The following C3orf20 variants were observed in gnomAD, a reference collection of about 807,000 sequenced individuals.
C3orf20 encodes uncharacterized protein C3orf20.
A neutral mutation model predicts 88.3 loss-of-function variants in C3orf20; 76 were observed. The observed-to-expected ratio is 0.86, with a 90% CI of 0.72 to 1.04. The LOEUF is 1.04. C3orf20 is among the 50% of genes least tolerant of loss of function. The probability of loss-of-function intolerance (pLI) is 0.00; values close to 1 mark genes in which losing one functional copy is unlikely to be tolerated. For missense variants in C3orf20, 1,056 were observed against 1,123.3 expected (o/e 0.94, Z 0.86); for synonymous variants, 436 against 437.4 (o/e 1.00, Z 0.04).
chr3:14,748,691 G>A (rs904801569), intron 12 of C3orf20, among the ~76,000 whole-genome samples: 1 of 152,042 alleles, frequency 6.6e-6, no homozygotes, highest in African/African-American at 2.4e-5. Flanking sequence ...TTTCCCTTGA[G>A]ATTCCTTCTT....
chr3:14,702,417 C>T (rs138073759), intron 5 of C3orf20, among the ~76,000 whole-genome samples: 6 of 151,180 alleles, frequency 4.0e-5, no homozygotes, highest in Non-Finnish European at 7.4e-5. Flanking sequence ...CCTGGCTCCT[C>T]CAAATCTCAT....
intron 8 of C3orf20, among the ~76,000 whole-genome samples, chr3:14,714,704 A>G (rs1031750951): frequency 1.3e-5 from 2 of 152,174 alleles, no homozygotes; most frequent in African/African-American, 4.8e-5. Context: ...CCTGGGCTCA[A>G]GTGATCCTTT....
intron 6 of C3orf20, among the ~76,000 whole-genome samples, chr3:14,703,671 G>T (rs1406886484): frequency 6.6e-6 from 1 of 152,186 alleles, no homozygotes; most frequent in Non-Finnish European, 1.5e-5. Context: ...ATGCCCCTTT[G>T]CATGGCTCCT....
At chr3:14,741,185 T>G (rs557946835) in intron 12 of C3orf20, among the ~76,000 whole-genome samples, 2 of 152,206 alleles carry the variant, frequency 1.3e-5, no homozygotes, top group Non-Finnish European at 2.9e-5. Flanking sequence ...TCAGCCTTTG[T>G]GAGGTCTTGT....
chr3:14,748,389 T>G (rs1305024889), intron 12 of C3orf20, among the ~76,000 whole-genome samples: 1 of 152,172 alleles, frequency 6.6e-6, no homozygotes, highest in East Asian at 1.9e-4. Flanking sequence ...TAGTCTGCTC[T>G]ATACAGAGAA....
rs766497657 is a variant in C3orf20, at chr3:14,757,651, G to A, written c.2221G>A (p.Gly741Ser). The A allele has an allele frequency of 6.8e-6, 11 of 1,610,394 alleles. No homozygotes were observed. Among genetic ancestry groups the A allele is most frequent in the Non-Finnish European group, 9.3e-6 (11 of 1,177,238 alleles). The stretch of plus-strand genomic sequence containing the variant: ...CACTCTCTACAACCACCAGCAGCGG[G>A]GCCGTGGCTCCCCCTGCATCCAGGT... ...LNTLYNHQQR[G>S]RGSPCIQCRY... Residue 741 changes from glycine to serine, a missense_variant, in exon 13 of 17, where the codon GGC becomes AGC. Coordinates refer to ENST00000253697, the MANE Select transcript of C3orf20 (RefSeq NM_032137.5).
chr3:14,679,781 A>T (rs139798379), intron 1 of C3orf20, among the ~76,000 whole-genome samples: 185 of 152,340 alleles, frequency 1.2e-3, no homozygotes, highest in African/African-American at 4.0e-3. Context: ...TTTGGAAGAG[A>T]TGTAAATATA....
chr3:14,685,210 AG>A (rs2032331136), intron 4 of C3orf20, among the ~76,000 whole-genome samples: 1 of 152,198 alleles, frequency 6.6e-6, no homozygotes, highest in Admixed American at 6.5e-5. Flanking sequence ...GATAGTATTA[AG>A]GAAAAAAAAG....
In C3orf20 at chr3:14,728,558, C is replaced by CT. The variant is rs2034438815; in HGVS notation, c.1814dup (p.Leu605PhefsTer19). 1 of 1,614,114 alleles carries CT rather than the reference C, an allele frequency of 6.2e-7. No individual in the cohort carries two copies. On this transcript the variant is annotated frameshift_variant, in exon 12 of 17. Coordinates refer to ENST00000253697, the MANE Select transcript of C3orf20 (RefSeq NM_032137.5). LOFTEE classifies it high-confidence loss of function. Reference sequence around the variant, plus strand: ...GCTAAGTTTATACTCAGGAGAAAGTCTTTTACGATCTCAGTCAGGCCACCT... The same window carrying CT: ...GCTAAGTTTATACTCAGGAGAAAGTCTTTTTACGATCTCAGTCAGGCCACCT...
At chr3:14,745,444 T>C (rs2035031690) in intron 12 of C3orf20, among the ~76,000 whole-genome samples, 1 of 152,254 alleles carries the variant, frequency 6.6e-6, no homozygotes, top group Non-Finnish European at 1.5e-5. Flanking sequence ...ATTAAAACAG[T>C]GTTCTGAACT....
intron 4 of C3orf20, among the ~76,000 whole-genome samples, chr3:14,688,391 C>T (rs1179885883): frequency 6.6e-6 from 1 of 151,310 alleles, no homozygotes; most frequent in Non-Finnish European, 1.5e-5. Flanking sequence ...AATTAGCCGG[C>T]CGTGATGGCA....
At chr3:14,740,824 T>G (rs1180186097) in intron 12 of C3orf20, among the ~76,000 whole-genome samples, 1 of 152,224 alleles carries the variant, frequency 6.6e-6, no homozygotes, top group African/African-American at 2.4e-5. Flanking sequence ...TTTATTCTAT[T>G]TTTCACTTTT....
intron 7 of C3orf20, among the ~76,000 whole-genome samples, chr3:14,710,305 T>C (rs73137410): frequency 0.011 from 1,707 of 152,160 alleles, 26 homozygotes; most frequent in African/African-American, 0.038. Flanking sequence ...GATGCAACTT[T>C]TGGTTTTGTT....
At position 14,761,742 on chromosome 3, in the gene C3orf20, G is replaced by A. The variant is rs977545541; in HGVS notation, c.2495+127G>A. The stretch of plus-strand genomic sequence containing the variant: ...GCTGAAGGGATGGAGTGGGGAGGGG[G>A]GCTGGAGGTGGGAAGCCTCCACCTG... On this transcript the variant is annotated intron_variant, in intron 15 of 16. Transcript: ENST00000253697. 10 of 905,494 alleles carry A rather than the reference G, an allele frequency of 1.1e-5. No homozygotes were observed. In the African/African-American group the frequency reaches 1.7e-4, roughly 15 times the overall value. The allele number at this position is 905,494 out of a possible 1,614,324, so 56.1% of individuals were successfully genotyped here.
In C3orf20 at chr3:14,704,610, C is replaced by T; in HGVS notation, c.1152C>T (p.Ser384=). The part of the protein sequence containing the change: ...KFHYTFYDGS[S]FVYYPSGNVA... ...ATTACACCTTCTATGATGGCTCCTC[C>T]TTCGTTTAGTATCCTTTTATTTGGT... The change falls in exon 7 of 17, where the codon TCC becomes TCT. Residue 384 remains serine (S), a synonymous_variant. Transcript: ENST00000253697. 6.2e-7 allele frequency: 1 copy of T among 1,613,346 alleles called. No individual in the cohort carries two copies. The highest frequency in any genetic ancestry group is 1.3e-5 in the African/African-American group (1 of 75,052).
chr3:14,706,153 G>T (rs1406780915), intron 7 of C3orf20, among the ~76,000 whole-genome samples: 1 of 152,074 alleles, frequency 6.6e-6, no homozygotes, highest in Non-Finnish European at 1.5e-5. Context: ...GCTTCCTTTG[G>T]CCTCCTCTTG....
At chr3:14,769,539 G>A (rs1439854747) in intron 15 of C3orf20, among the ~76,000 whole-genome samples, 1 of 152,126 alleles carries the variant, frequency 6.6e-6, no homozygotes, top group East Asian at 1.9e-4. Context: ...AAGAGACTAG[G>A]TGGAGGCAGG....
rs1575171066 is a variant in C3orf20, at chr3:14,772,317, C to T, written c.2630+116C>T. 8 of 1,314,020 alleles carry T rather than the reference C, an allele frequency of 6.1e-6. No individual in the cohort carries two copies. The highest frequency in any genetic ancestry group is 2.9e-5 in the African/African-American group (2 of 68,482). The allele number at this position is 1,314,020 out of a possible 1,614,324, so 81.4% of individuals were successfully genotyped here. ...CGTGGCCTGGGTCATGTCCAACCATCGCTGACATCTAGCCCATGTAATCAA... is the reference window on the plus strand; with the variant it reads ...CGTGGCCTGGGTCATGTCCAACCATTGCTGACATCTAGCCCATGTAATCAA... On this transcript the variant is annotated intron_variant, in intron 16 of 16. Coordinates refer to ENST00000253697, the MANE Select transcript of C3orf20 (RefSeq NM_032137.5). This position sits in a 1 kb window ranked among gnomAD's most constrained non-coding sequence, Gnocchi z 4.2.
intron 10 of C3orf20, among the ~76,000 whole-genome samples, chr3:14,726,066 C>T (rs1256252951): frequency 3.3e-5 from 5 of 152,180 alleles, no homozygotes; most frequent in Admixed American, 3.3e-4. Context: ...CTGTTCAGAG[C>T]AGGTCTTAGA....
Sources: gnomAD v4.1 joint callset for allele counts (sites outside exome capture counted in the v4.1 genomes callset) on GRCh38, gnomAD v4.1.1 for gene constraint, Gnocchi (gnomAD v3.1) non-coding constraint, MANE v1.5 for transcripts, NCBI Gene and HGNC (gene_info 2026-07-23, HGNC 2026-07-21) for gene names.